DOK5: variants seen among roughly 807,000 people sequenced by gnomAD.
DOK5 encodes docking protein 5.
In DOK5, 27 loss-of-function variants were observed where a neutral mutation model predicts 43.3. That is an observed-to-expected ratio of 0.62 (90% confidence interval 0.46 to 0.86). The LOEUF (loss-of-function observed/expected upper bound fraction) is 0.86. Ranked by LOEUF, DOK5 falls within the 40% of genes least tolerant of loss-of-function variation. DOK5 has a pLI of 0.00. For missense variants in DOK5, 373 were observed against 392.9 expected (o/e 0.95, Z 0.43); for synonymous variants, 146 against 140.1 (o/e 1.04, Z -0.30).
intron 1 of DOK5, among the ~76,000 whole-genome samples, chr20:54,502,628 G>C (rs1372494045): frequency 2.0e-5 from 3 of 152,048 alleles, no homozygotes; most frequent in Non-Finnish European, 4.4e-5. Context: ...AGGTATATTT[G>C]TATATATGTC....
At chr20:54,575,679 G>T (rs1027448575) in intron 2 of DOK5, among the ~76,000 whole-genome samples, 1 of 152,180 alleles carries the variant, frequency 6.6e-6, no homozygotes, top group African/African-American at 2.4e-5. Flanking sequence ...GACCTCAAAT[G>T]ATCCACCCAC....
At chr20:54,588,125 A>G (rs1379055940) in intron 2 of DOK5, among the ~76,000 whole-genome samples, 3 of 152,204 alleles carry the variant, frequency 2.0e-5, no homozygotes, top group African/African-American at 7.2e-5. Context: ...AAGGCTGTCC[A>G]CAGAGACCGA....
chr20:54,523,032 T>C (rs1016136179), intron 1 of DOK5, among the ~76,000 whole-genome samples: 14 of 152,170 alleles, frequency 9.2e-5, no homozygotes, highest in African/African-American at 3.1e-4. Flanking sequence ...AAAAAGTATG[T>C]CTGGTACATA....
chr20:54,513,320 T>A (rs1983073071), intron 1 of DOK5, among the ~76,000 whole-genome samples: 1 of 152,168 alleles, frequency 6.6e-6, no homozygotes, highest in African/African-American at 2.4e-5. Context: ...AATTAAGCAG[T>A]CACTTTTTAT....
intron 6 of DOK5, among the ~76,000 whole-genome samples, chr20:54,626,473 G>C (rs916212918): frequency 2.0e-5 from 3 of 151,540 alleles, no homozygotes; most frequent in African/African-American, 7.3e-5. Context: ...ACACATGTCT[G>C]TAAAATTTAA....
chr20:54,515,818 A>G (rs969345153), intron 1 of DOK5, among the ~76,000 whole-genome samples: 1 of 152,256 alleles, frequency 6.6e-6, no homozygotes, highest in South Asian at 2.1e-4. Flanking sequence ...CTAGCTACCC[A>G]GAAACGTAGA....
At chr20:54,565,511 T>G (rs1256015077) in intron 2 of DOK5, among the ~76,000 whole-genome samples, 1 of 152,218 alleles carries the variant, frequency 6.6e-6, no homozygotes, top group East Asian at 1.9e-4. Context: ...ACGCCTGTGA[T>G]CTCAGTATTT....
chr20:54,508,806 C>G (rs1328993880), intron 1 of DOK5, among the ~76,000 whole-genome samples: 2 of 151,982 alleles, frequency 1.3e-5, no homozygotes, highest in African/African-American at 2.4e-5. Context: ...TCTTGAACTC[C>G]TGACCTCAGG....
intron 2 of DOK5, among the ~76,000 whole-genome samples, chr20:54,563,653 CTATT>C (rs971413843): frequency 1.6e-4 from 23 of 142,582 alleles, no homozygotes; most frequent in African/African-American, 6.0e-4. Flanking sequence ...TTTCTCTTCT[CTATT>C]TGTCAGGTTT....
At chr20:54,618,895 C>T (rs1052388854) in intron 6 of DOK5, among the ~76,000 whole-genome samples, 13 of 150,722 alleles carry the variant, frequency 8.6e-5, no homozygotes, top group African/African-American at 3.2e-4. Context: ...TGCATGCCTG[C>T]AGTTCTAGCT....
intron 1 of DOK5, among the ~76,000 whole-genome samples, chr20:54,502,844 AT>A (rs1358734038): frequency 6.6e-6 from 1 of 152,114 alleles, no homozygotes. Context: ...TGTTGATTAT[AT>A]TTTATCATTA....
intron 1 of DOK5, among the ~76,000 whole-genome samples, chr20:54,505,801 A>T (rs1429316877): frequency 1.3e-5 from 2 of 152,150 alleles, no homozygotes; most frequent in African/African-American, 4.8e-5. Context: ...GCATAAAAGG[A>T]CAAGAGCCTT....
At chr20:54,649,084 C>T (rs565584695) in intron 7 of DOK5, among the ~76,000 whole-genome samples, 1 of 152,320 alleles carries the variant, frequency 6.6e-6, no homozygotes, top group East Asian at 1.9e-4. Context: ...ACAGTTGTGT[C>T]ACTGAACCAG....
chr20:54,542,697 A>C (rs190013592), intron 1 of DOK5, among the ~76,000 whole-genome samples: 3 of 152,342 alleles, frequency 2.0e-5, no homozygotes. Flanking sequence ...TGAAAGAAGA[A>C]TGTAAAATGA....
chr20:54,521,823 C>T (rs1245724833), intron 1 of DOK5, among the ~76,000 whole-genome samples: 1 of 152,162 alleles, frequency 6.6e-6, no homozygotes, highest in Non-Finnish European at 1.5e-5. Flanking sequence ...TTATCATAAA[C>T]TCAAGACTGG....
At chr20:54,530,939 T>C (rs1983750210) in intron 1 of DOK5, among the ~76,000 whole-genome samples, 1 of 152,150 alleles carries the variant, frequency 6.6e-6, no homozygotes, top group Non-Finnish European at 1.5e-5. Context: ...AGAAGATGTG[T>C]ATATTATGAG....
chr20:54,594,374 C>A (rs1486114918), intron 5 of DOK5, among the ~76,000 whole-genome samples: 2 of 152,030 alleles, frequency 1.3e-5, no homozygotes, highest in Admixed American at 1.3e-4. Context: ...CCTGGGGCGA[C>A]AGAGTGGACC....
chr20:54,635,745 C>T (rs1013734363), intron 6 of DOK5, among the ~76,000 whole-genome samples: 1 of 152,222 alleles, frequency 6.6e-6, no homozygotes, highest in African/African-American at 2.4e-5. Context: ...GCTATGGTCA[C>T]TCATATTTAG....
At chr20:54,543,327 G>C (rs1341984164) in intron 1 of DOK5, among the ~76,000 whole-genome samples, 4 of 151,744 alleles carry the variant, frequency 2.6e-5, no homozygotes, top group Non-Finnish European at 5.9e-5. Flanking sequence ...GTGGACAGTG[G>C]GGGGTGGGGT....
Sources: allele counts gnomAD v4.1 joint callset (sites outside exome capture counted in the v4.1 genomes callset), GRCh38; gene constraint gnomAD v4.1.1; transcripts MANE v1.5; gene names NCBI Gene and HGNC (gene_info 2026-07-23, HGNC 2026-07-21).